NSD2: variants seen among roughly 807,000 people sequenced by gnomAD.
NSD2 encodes histone-lysine N-methyltransferase NSD2.
In NSD2, 12 loss-of-function variants were observed where a neutral mutation model predicts 139.0. The observed-to-expected ratio is 0.09, with a 90% confidence interval of 0.06 to 0.14. The LOEUF (loss-of-function observed/expected upper bound fraction) is 0.14, where lower values mean the gene tolerates loss of function less well. NSD2 is among the 10% of genes least tolerant of loss of function. The pLI, the probability that NSD2 is intolerant of heterozygous loss-of-function variation, is 1.00. For missense variants in NSD2, 1,155 were observed against 1,745.0 expected (o/e 0.66, Z 6.02); for synonymous variants, 669 against 648.7 (o/e 1.03, Z -0.48).
At position 1,974,626 on chromosome 4, in the gene NSD2, G is replaced by A. The variant is rs141093629; in HGVS notation, c.3373-237G>A. On this transcript the variant is annotated intron_variant, in intron 18 of 21. Transcript: ENST00000508803. This position sits in a 1 kb window ranked among gnomAD's most constrained non-coding sequence, Gnocchi z 4.0. ...GCTGGGAGCTCCAGCTCCCTGTCCT[G>A]TCCTCCCCGGCGCTCACTAAGGCTC... 150 of 681,982 alleles carry A rather than the reference G, an allele frequency of 2.2e-4. No homozygotes were observed. In the East Asian group the frequency reaches 4.1e-3, roughly 19 times the overall value. The allele number at this position is 681,982 out of a possible 1,614,324, so 42.2% of individuals were successfully genotyped here.
At chr4:1,961,823 C>CT (rs1560777114) in intron 18 of NSD2, among the ~76,000 whole-genome samples, 1 of 151,824 alleles carries the variant, frequency 6.6e-6, no homozygotes, top group East Asian at 2.1e-4. Flanking sequence ...ACACGGCAGG[C>CT]TTTTGGCTTC....
At position 1,978,842 on chromosome 4, in the gene NSD2, A is replaced by G. The variant is rs552288309; in HGVS notation, c.4031A>G (p.Glu1344Gly). ...RSTKTEKPPP[E>G]PGKPKGKRRR... ...ACCAAGACTGAGAAGCCCCCCCCAGAGCCAGGGAAGCCGAAGGGGAAGAGG... is the reference window on the plus strand; with the variant it reads ...ACCAAGACTGAGAAGCCCCCCCCAGGGCCAGGGAAGCCGAAGGGGAAGAGG... The change falls in exon 22 of 22, where the codon GAG (glutamate) becomes GGG (glycine). Residue 1344 changes from glutamate (E) to glycine (G), a missense_variant. Transcript: ENST00000508803. 11 of 1,601,736 alleles carry G rather than the reference A, an allele frequency of 6.9e-6. No individual in the cohort carries two copies. The highest frequency in any genetic ancestry group is 1.1e-5 in the South Asian group (1 of 90,114).
Position 1,972,048 on chromosome 4 carries a change from A to C in NSD2, c.3373-2815A>C, listed in dbSNP as rs1266034774. On this transcript the variant is annotated intron_variant, in intron 18 of 21. Transcript: ENST00000508803. This position sits in a 1 kb window ranked among gnomAD's most constrained non-coding sequence, Gnocchi z 4.0. ...TGCTGGGTGATGCAGGCAGGGCAGA[A>C]ACAGCAGAGCAGCAAGAGGCAAACA... Among the ~76,000 whole-genome samples, 5 of 152,194 alleles carry C rather than the reference A, an allele frequency of 3.3e-5. No individual in the cohort carries two copies. The highest frequency in any genetic ancestry group is 7.3e-5 in the Non-Finnish European group (5 of 68,044).
rs892641984 is a variant in NSD2, at chr4:1,958,613, C to G, written c.2985+577C>G. ...CCAGGAGCCTCGTGGCCGTTCCTGA[C>G]GAGTGTTTGTGATAAGTGTGTGCCG... On this transcript the variant is annotated intron_variant, in intron 16 of 21. Transcript: ENST00000508803. The surrounding 1 kb of genome is among the most constrained non-coding windows in gnomAD (Gnocchi z 4.6). Among the ~76,000 whole-genome samples the G allele has an allele frequency of 1.3e-5, 2 of 152,216 alleles. No homozygotes were observed. Among genetic ancestry groups the G allele is most frequent in the Non-Finnish European group, 2.9e-5 (2 of 68,038 alleles).
intron 9 of NSD2, chr4:1,945,549 C>A (rs538462699): frequency 7.2e-5 from 77 of 1,065,244 alleles, no homozygotes; most frequent in South Asian, 9.1e-5. Context: ...TAAGAAAGTG[C>A]TCCTGAGAAG....
intron 3 of NSD2, among the ~76,000 whole-genome samples, chr4:1,915,315 C>T (rs1202251447): frequency 2.0e-5 from 3 of 151,848 alleles, no homozygotes; most frequent in South Asian, 2.1e-4. Flanking sequence ...GGGATTTCAC[C>T]GTGTTAGCCA....
intron 5 of NSD2, among the ~76,000 whole-genome samples, chr4:1,920,369 G>C (rs568485747): frequency 6.6e-6 from 1 of 152,224 alleles, no homozygotes; most frequent in South Asian, 2.1e-4. Context: ...AGAATCACTT[G>C]AACCGGGAGG....
chr4:1,872,228 G>T (rs1713841617), intron 1 of NSD2, among the ~76,000 whole-genome samples: 1 of 152,130 alleles, frequency 6.6e-6, no homozygotes, highest in Non-Finnish European at 1.5e-5. Flanking sequence ...ACCCTGCTGG[G>T]GGGCTGCGCG....
intron 18 of NSD2, among the ~76,000 whole-genome samples, chr4:1,968,629 C>T (rs1313864019): frequency 6.6e-6 from 1 of 151,844 alleles, no homozygotes; most frequent in Non-Finnish European, 1.5e-5. Context: ...TTAGAAAGCA[C>T]AGATTAAAAA....
chr4:1,941,909 G>A, intron 9 of NSD2: 1 of 1,071,500 alleles, frequency 9.3e-7, no homozygotes, highest in African/African-American at 1.6e-5. Context: ...AAAGTGTAGT[G>A]TTATAAAAAA....
At chr4:1,978,516 G>A (rs951728302) in intron 21 of NSD2, 122 bp from the exon 22 acceptor site, 9 of 1,395,048 alleles carry the variant, frequency 6.5e-6, no homozygotes, top group African/African-American at 2.9e-5. Context: ...CGTCCTGTTC[G>A]CTGGAGCCAG....
chr4:1,908,766 A>T (rs1216029171), intron 3 of NSD2, among the ~76,000 whole-genome samples: 2 of 151,988 alleles, frequency 1.3e-5, no homozygotes, highest in African/African-American at 4.8e-5. Context: ...CTGTCCCAAC[A>T]GTGTAGCTTT....
At chr4:1,886,511 A>G (rs1395577587) in intron 1 of NSD2, among the ~76,000 whole-genome samples, 1 of 152,056 alleles carries the variant, frequency 6.6e-6, no homozygotes, top group East Asian at 1.9e-4. Context: ...CTGGCCTTTC[A>G]GCTGTTTCTA....
intron 1 of NSD2, among the ~76,000 whole-genome samples, chr4:1,900,252 A>ATAT (rs1182704801): frequency 6.6e-6 from 1 of 152,130 alleles, no homozygotes; most frequent in African/African-American, 2.4e-5. Flanking sequence ...TGCCTCACAC[A>ATAT]TATTAGCTCT....
At chr4:1,922,009 G>C (rs1018076594) in intron 5 of NSD2, among the ~76,000 whole-genome samples, 9 of 151,992 alleles carry the variant, frequency 5.9e-5, no homozygotes, top group African/African-American at 1.9e-4. Context: ...TTAGCCAGGC[G>C]TGGTGATGCG....
intron 5 of NSD2, among the ~76,000 whole-genome samples, chr4:1,925,517 G>T (rs1720778582): frequency 7.1e-6 from 1 of 140,648 alleles, no homozygotes; most frequent in African/African-American, 2.7e-5. Flanking sequence ...TCCTGCCTCA[G>T]CCTCCCGAGT....
intron 18 of NSD2, among the ~76,000 whole-genome samples, chr4:1,969,880 G>A (rs1726264797): frequency 6.6e-6 from 1 of 152,178 alleles, no homozygotes. Flanking sequence ...CTAGGATTGG[G>A]AACTTGTAGA....
chr4:1,885,118 A>T (rs891758746), intron 1 of NSD2, among the ~76,000 whole-genome samples: 4 of 148,860 alleles, frequency 2.7e-5, no homozygotes, highest in Non-Finnish European at 5.9e-5. Context: ...TTCAAAAAAA[A>T]AAAATAAAAA....
chr4:1,922,542 C>T (rs917387128), intron 5 of NSD2, among the ~76,000 whole-genome samples: 3 of 152,056 alleles, frequency 2.0e-5, no homozygotes, highest in Non-Finnish European at 2.9e-5. Context: ...ATTTATTTGC[C>T]CTTTGTAAGT....
Sources: allele counts gnomAD v4.1 joint callset (sites outside exome capture counted in the v4.1 genomes callset), GRCh38; gene constraint gnomAD v4.1.1; non-coding constraint Gnocchi (gnomAD v3.1); transcripts MANE v1.5; gene names NCBI Gene and HGNC (gene_info 2026-07-23, HGNC 2026-07-21).